Variants in TMEFF2 observed in about 807,000 individuals in gnomAD.
The protein encoded by TMEFF2 is tomoregulin-2.
Under a neutral mutation model 53.8 loss-of-function variants are expected in TMEFF2, and 28 were observed. That is an observed-to-expected ratio of 0.52 (90% CI 0.39 to 0.71). The LOEUF (loss-of-function observed/expected upper bound fraction) is 0.71, where lower values mean the gene tolerates loss of function less well. TMEFF2 is among the 30% of genes least tolerant of loss of function. TMEFF2 has a pLI of 0.00. For missense variants in TMEFF2, 353 were observed against 455.2 expected (o/e 0.78, Z 2.04); for synonymous variants, 162 against 166.3 (o/e 0.97, Z 0.20).
intron 4 of TMEFF2, among the ~76,000 whole-genome samples, chr2:192,088,258 A>G (rs1470857452): frequency 1.3e-5 from 2 of 152,058 alleles, no homozygotes; most frequent in African/African-American, 4.8e-5. Context: ...GACTGAATCC[A>G]TGAAGGGATG....
chr2:192,016,729 G>T (rs1481537028), intron 5 of TMEFF2, among the ~76,000 whole-genome samples: 1 of 152,180 alleles, frequency 6.6e-6, no homozygotes, highest in East Asian at 1.9e-4. Flanking sequence ...GTGTTTTCTT[G>T]AGCATTACCA....
At chr2:192,081,283 C>A (rs1018631609) in intron 4 of TMEFF2, among the ~76,000 whole-genome samples, 6 of 152,148 alleles carry the variant, frequency 3.9e-5, no homozygotes, top group Non-Finnish European at 8.8e-5. Flanking sequence ...TGCAAAGAAG[C>A]TTGTCTACTT....
At chr2:191,983,187 G>A (rs555321460) in intron 7 of TMEFF2, among the ~76,000 whole-genome samples, 1 of 152,178 alleles carries the variant, frequency 6.6e-6, no homozygotes, top group African/African-American at 2.4e-5. Context: ...TGGATGAACT[G>A]ACAGGCAGGT....
At chr2:191,956,434 A>G in intron 7 of TMEFF2, 56 bp from the exon 8 acceptor site, 1 of 1,570,982 alleles carries the variant, frequency 6.4e-7, no homozygotes, top group Non-Finnish European at 8.6e-7. Flanking sequence ...TGGTAAGATC[A>G]ACCAGTACAT....
chr2:192,017,315 C>T (rs1488661862), intron 5 of TMEFF2, among the ~76,000 whole-genome samples: 1 of 152,114 alleles, frequency 6.6e-6, no homozygotes, highest in African/African-American at 2.4e-5. Context: ...CTTGAAGACA[C>T]AGGGAGCTTT....
intron 4 of TMEFF2, among the ~76,000 whole-genome samples, chr2:192,149,447 C>T (rs1022656688): frequency 3.3e-5 from 5 of 151,858 alleles, no homozygotes; most frequent in Non-Finnish European, 7.4e-5. Flanking sequence ...TTTTTCTATT[C>T]TTCAAATTTC....
Position 191,957,158 on chromosome 2 carries a change from T to C in TMEFF2, c.746-780A>G, listed in dbSNP as rs574938652. On this transcript the variant is annotated intron_variant, in intron 7 of 9. Transcript: ENST00000272771. The stretch of plus-strand genomic sequence containing the variant: ...CATGTTCTACTTGTTTTGCCATGTT[T>C]TCATAGATATTTGAAATTTTTTGAC... Among the ~76,000 whole-genome samples the C allele has an allele frequency of 1.8e-4, 27 of 152,330 alleles. 1 individual carries two copies. The South Asian group carries it at 5.4e-3, about 30-fold the overall frequency.
At chr2:192,025,095 C>G (rs529467132) in intron 5 of TMEFF2, among the ~76,000 whole-genome samples, 1 of 152,008 alleles carries the variant, frequency 6.6e-6, no homozygotes, top group Non-Finnish European at 1.5e-5. Flanking sequence ...AGTAATGATC[C>G]GAGGGAAATG....
At chr2:192,108,857 T>C (rs1689211391) in intron 4 of TMEFF2, among the ~76,000 whole-genome samples, 1 of 152,012 alleles carries the variant, frequency 6.6e-6, no homozygotes, top group South Asian at 2.1e-4. Context: ...GATGGAATAT[T>C]ATTTAGCCAT....
chr2:191,989,961 G>C lies in TMEFF2; in HGVS notation c.745+8301C>G, dbSNP rs577214131. ...CAAACCCCTTCCACCCTCTCACAAA[G>C]TGGCTGTATATTCTACCCTCCTCCC... On this transcript the variant is annotated intron_variant, in intron 7 of 9. Transcript: ENST00000272771. Among the ~76,000 whole-genome samples, 153 of 152,150 alleles carry C rather than the reference G, an allele frequency of 1.0e-3. 1 individual carries two copies. The highest frequency in any genetic ancestry group is 3.4e-3 in the African/African-American group (143 of 41,532).
chr2:191,987,665 G>A (rs1686011916), intron 7 of TMEFF2, among the ~76,000 whole-genome samples: 1 of 152,136 alleles, frequency 6.6e-6, no homozygotes, highest in South Asian at 2.1e-4. Flanking sequence ...AACAGGTTCT[G>A]AGAAGCTAAG....
Position 191,949,345 on chromosome 2 carries a change from T to C in TMEFF2, c.*966A>G. 2 of 985,424 alleles carry C rather than the reference T, an allele frequency of 2.0e-6. No individual in the cohort carries two copies. The highest frequency in any genetic ancestry group is 9.4e-5 in the South Asian group (2 of 21,288). The allele number at this position is 985,424 out of a possible 1,614,324, so 61.0% of individuals were successfully genotyped here. The stretch of plus-strand genomic sequence containing the variant: ...GAAATATCGTCATCATCATCTTAGT[T>C]CCATTACAAATTATGGTGCTGCATT... On this transcript the variant is annotated 3_prime_UTR_variant, in exon 10 of 10. Transcript: ENST00000272771.
chr2:191,967,261 G>C (rs1692497663), intron 7 of TMEFF2, among the ~76,000 whole-genome samples: 1 of 152,064 alleles, frequency 6.6e-6, no homozygotes, highest in African/African-American at 2.4e-5. Context: ...CAGCACCTTA[G>C]TACTGTATTT....
At chr2:191,978,279 T>C (rs946436877) in intron 7 of TMEFF2, among the ~76,000 whole-genome samples, 1 of 152,158 alleles carries the variant, frequency 6.6e-6, no homozygotes, top group African/African-American at 2.4e-5. Context: ...AGCTTTGTGG[T>C]CAAAGGGATC....
chr2:192,160,576 A>G (rs138545156), intron 4 of TMEFF2, among the ~76,000 whole-genome samples: 1 of 152,308 alleles, frequency 6.6e-6, no homozygotes, highest in African/African-American at 2.4e-5. Flanking sequence ...GGCAACTGGA[A>G]GGTGAGCCAA....
chr2:191,995,122 G>A (rs989906669), intron 7 of TMEFF2, among the ~76,000 whole-genome samples: 1 of 151,862 alleles, frequency 6.6e-6, no homozygotes, highest in Non-Finnish European at 1.5e-5. Flanking sequence ...TGCTCCCTTC[G>A]TTTGCATTTA....
intron 5 of TMEFF2, among the ~76,000 whole-genome samples, chr2:192,014,728 G>C (rs372585821): frequency 6.6e-6 from 1 of 152,188 alleles, no homozygotes; most frequent in African/African-American, 2.4e-5. Context: ...TTTCAAAGAT[G>C]CAGGGACAGC....
intron 7 of TMEFF2, among the ~76,000 whole-genome samples, chr2:191,993,154 T>A (rs777860443): frequency 6.6e-6 from 1 of 152,092 alleles, no homozygotes; most frequent in Admixed American, 6.6e-5. Context: ...TGCAATGGCT[T>A]CTACAGAGAA....
At chr2:192,030,999 G>C (rs60052132) in intron 5 of TMEFF2, among the ~76,000 whole-genome samples, 2,013 of 152,210 alleles carry the variant, frequency 0.013, 55 homozygotes, top group African/African-American at 0.045. Context: ...GCATGTGGTT[G>C]GTGCTTACAT....
Sources: gnomAD v4.1 joint callset for allele counts (sites outside exome capture counted in the v4.1 genomes callset) on GRCh38, gnomAD v4.1.1 for gene constraint, MANE v1.5 for transcripts, NCBI Gene and HGNC (gene_info 2026-07-23, HGNC 2026-07-21) for gene names.